The following SOX5 variants were observed in gnomAD, a reference collection of about 807,000 sequenced individuals.
SOX5 encodes SRY-box transcription factor 5.
SOX5 carries 9 observed loss-of-function variants against 92.0 expected under a neutral mutation model. The ratio of observed to expected loss-of-function variants is 0.10; its 90% CI spans 0.06 to 0.17. The LOEUF (loss-of-function observed/expected upper bound fraction) is 0.17, where lower values mean the gene tolerates loss of function less well. Ranked by LOEUF, SOX5 falls within the 10% of genes least tolerant of loss-of-function variation. The pLI is 1.00. For missense variants in SOX5, 642 were observed against 944.5 expected, an observed-to-expected ratio of 0.68 and a Z score of 4.20; for synonymous variants, 344 against 336.3, an observed-to-expected ratio of 1.02 and a Z score of -0.25.
At chr12:23,928,769 T>C (rs78941807) in intron 1 of SOX5, among the ~76,000 whole-genome samples, 1,609 of 151,794 alleles carry the variant, frequency 0.011, 23 homozygotes, top group African/African-American at 0.036. Flanking sequence ...GACAATTATC[T>C]TTAAGCATCT....
intron 4 of SOX5, among the ~76,000 whole-genome samples, chr12:23,970,446 C>G (rs1948094625): frequency 6.6e-6 from 1 of 152,004 alleles, no homozygotes; most frequent in Non-Finnish European, 1.5e-5. Flanking sequence ...GAATAACACC[C>G]CATTCTCTCT....
At chr12:24,438,257 G>A (rs146815480) in intron 1 of SOX5, among the ~76,000 whole-genome samples, 2,191 of 152,170 alleles carry the variant, frequency 0.014, 22 homozygotes, top group Middle Eastern at 0.024. Context: ...ACAGGGAGGG[G>A]AACATCACAT....
chr12:23,782,504 G>A (rs1000196209), intron 3 of SOX5, among the ~76,000 whole-genome samples: 6 of 152,148 alleles, frequency 3.9e-5, no homozygotes, highest in East Asian at 1.9e-4. Context: ...TAAAACTTTC[G>A]GATGTAAGGA....
intron 1 of SOX5, among the ~76,000 whole-genome samples, chr12:24,462,266 T>G (rs1596959420): frequency 1.3e-5 from 2 of 152,216 alleles, no homozygotes; most frequent in Admixed American, 1.3e-4. Context: ...GTCAGGTGTG[T>G]ATGTAAACAT....
intron 4 of SOX5, among the ~76,000 whole-genome samples, chr12:24,156,435 T>C (rs929614937): frequency 6.6e-6 from 1 of 152,104 alleles, no homozygotes; most frequent in African/African-American, 2.4e-5. Flanking sequence ...AATAATATAA[T>C]ACAATACACC....
At chr12:23,851,142 A>C (rs1026892166) in intron 2 of SOX5, among the ~76,000 whole-genome samples, 9 of 152,146 alleles carry the variant, frequency 5.9e-5, no homozygotes, top group African/African-American at 2.2e-4. Flanking sequence ...AAGTTTATTT[A>C]AGGTATATAT....
chr12:24,178,060 A>G lies in SOX5; in HGVS notation c.-2+35283T>C, dbSNP rs138795567. On this transcript the variant is annotated intron_variant, in intron 4 of 4. Transcript: ENST00000446891. ...GGACAAAGGCAGTGAAACTGAAAAC[A>G]CTTGAAAATTCACAGTCATCAGTCA... is the stretch of plus-strand genomic sequence containing the variant. 3.2e-3 allele frequency among the ~76,000 whole-genome samples: 486 copies of G among 152,254 alleles called. 5 individuals are homozygous for G. Among genetic ancestry groups the G allele is most frequent in the East Asian group, 0.011 (59 of 5,170 alleles).
At chr12:23,540,627 G>C (rs1362310461) in intron 13 of SOX5, among the ~76,000 whole-genome samples, 1 of 152,120 alleles carries the variant, frequency 6.6e-6, no homozygotes, top group Non-Finnish European at 1.5e-5. Context: ...CTAAACTACT[G>C]TATATCTAAT....
At chr12:23,917,012 A>G (rs922511303) in intron 1 of SOX5, among the ~76,000 whole-genome samples, 4 of 152,220 alleles carry the variant, frequency 2.6e-5, no homozygotes, top group Non-Finnish European at 5.9e-5. Context: ...TGGCATAGGA[A>G]TTTCTGTATT....
At chr12:24,006,689 A>T (rs1235026752) in intron 4 of SOX5, among the ~76,000 whole-genome samples, 1 of 151,960 alleles carries the variant, frequency 6.6e-6, no homozygotes, top group East Asian at 1.9e-4. Flanking sequence ...ATTCTCCGAT[A>T]TTACCTTTAT....
chr12:24,219,535 T>C (rs1959889521), intron 3 of SOX5, among the ~76,000 whole-genome samples: 1 of 152,078 alleles, frequency 6.6e-6, no homozygotes, highest in Non-Finnish European at 1.5e-5. Context: ...TTAATTTTAA[T>C]AAGAATGCAT....
intron 3 of SOX5, among the ~76,000 whole-genome samples, chr12:23,783,418 T>C (rs1197889183): frequency 6.6e-6 from 1 of 152,214 alleles, no homozygotes; most frequent in Non-Finnish European, 1.5e-5. Flanking sequence ...ATGATAATTT[T>C]GTTTGACCAG....
At chr12:23,773,854 C>T (rs1417210505) in intron 3 of SOX5, among the ~76,000 whole-genome samples, 1 of 152,086 alleles carries the variant, frequency 6.6e-6, no homozygotes. Context: ...CTAAGGCTGA[C>T]ATTTGCAGGT....
At chr12:24,383,709 C>T (rs1958064703) in intron 1 of SOX5, among the ~76,000 whole-genome samples, 1 of 152,170 alleles carries the variant, frequency 6.6e-6, no homozygotes, top group African/African-American at 2.4e-5. Context: ...AGTCCCCAAA[C>T]TTTTTGGCAC....
chr12:23,877,563 T>G (rs2096941266), intron 2 of SOX5, among the ~76,000 whole-genome samples: 1 of 152,114 alleles, frequency 6.6e-6, no homozygotes, highest in African/African-American at 2.4e-5. Context: ...TCCTGGTAAT[T>G]TATTTAATAA....
intron 4 of SOX5, among the ~76,000 whole-genome samples, chr12:24,009,162 G>C (rs576301838): frequency 1.8e-4 from 28 of 152,302 alleles, no homozygotes; most frequent in African/African-American, 6.7e-4. Context: ...GATGATTTCA[G>C]CCCTGCTGTG....
In SOX5 at chr12:23,534,377, T is replaced by C. The variant is rs748104544; in HGVS notation, c.2134A>G (p.Thr712Ala). The C allele has an allele frequency of 9.3e-6, 15 of 1,614,026 alleles. No homozygotes were observed. The East Asian group carries it at 2.9e-4, about 31-fold the overall frequency. Reference protein sequence around the residue: ...PEPGMPVIQSTYGVKGEEPHI... With the variant: ...PEPGMPVIQSAYGVKGEEPHI... Reference sequence around the variant, plus strand: ...GGCTCCTCTCCTTTCACACCGTAAGTGCTCTGGATAACAGGCATCCCAGGC... The same window carrying C: ...GGCTCCTCTCCTTTCACACCGTAAGCGCTCTGGATAACAGGCATCCCAGGC... The change falls in exon 15 of 15, where the codon ACT becomes GCT. Residue 712 changes from threonine to alanine, a missense_variant. Transcript: ENST00000451604.
chr12:24,340,137 C>T lies in SOX5; in HGVS notation c.-174+28426G>A, dbSNP rs576605932. 6.0e-4 allele frequency among the ~76,000 whole-genome samples: 92 copies of T among 152,378 alleles called. 1 individual carries two copies. Among genetic ancestry groups the T allele is most frequent in the African/African-American group, 2.1e-3 (88 of 41,592 alleles). ...AAGAGCATCTTCAACAACTCGCTGG[C>T]ACATAGTCTCCCTTTTAGAGTCTTT... On this transcript the variant is annotated intron_variant, in intron 2 of 4. Transcript: ENST00000446891.
intron 3 of SOX5, among the ~76,000 whole-genome samples, chr12:23,829,451 C>T (rs1174535052): frequency 6.6e-6 from 1 of 152,144 alleles, no homozygotes; most frequent in Non-Finnish European, 1.5e-5. Context: ...AGGTGGCTGG[C>T]TCTTCACTCT....
Sources: allele counts gnomAD v4.1 joint callset (sites outside exome capture counted in the v4.1 genomes callset), GRCh38; gene constraint gnomAD v4.1.1; transcripts MANE v1.5; gene names NCBI Gene and HGNC (gene_info 2026-07-23, HGNC 2026-07-21).